Variants in PTPRN2 observed in about 807,000 individuals in gnomAD.
The protein encoded by PTPRN2 is receptor-type tyrosine-protein phosphatase N2.
PTPRN2 carries 74 observed loss-of-function variants against 118.8 expected under a neutral mutation model. The observed-to-expected ratio is 0.62, with a 90% CI of 0.52 to 0.76. The LOEUF (loss-of-function observed/expected upper bound fraction) is 0.76, where lower values mean the gene tolerates loss of function less well. PTPRN2 is among the 30% of genes least tolerant of loss of function. PTPRN2 has a pLI of 0.00. For synonymous variants in PTPRN2, 641 were observed against 608.0 expected (o/e 1.05, Z -0.80); for missense variants, 1,481 against 1,394.4 (o/e 1.06, Z -0.99).
chr7:158,224,350 T>C (rs1303996166), intron 3 of PTPRN2, among the ~76,000 whole-genome samples: 1 of 152,180 alleles, frequency 6.6e-6, no homozygotes, highest in Non-Finnish European at 1.5e-5. Flanking sequence ...TTTCAAGTCT[T>C]ATATAGGTAC....
intron 13 of PTPRN2, among the ~76,000 whole-genome samples, chr7:157,660,794 G>A (rs1405884980): frequency 9.9e-5 from 15 of 152,184 alleles, no homozygotes; most frequent in Non-Finnish European, 1.9e-4. Context: ...TCGCTCTGTC[G>A]CCCAGGCTGG....
Position 157,656,501 on chromosome 7 carries a change from G to A in PTPRN2, c.2052C>T (p.Gly684=). ...CGCTGCTGATGCGTGACGTGTGCGG[G>A]CCCTCAGGTCGGTCTGGTGGCCGCG... ...MATRPPDRPE[G]PHTSRISSVS... is the part of the protein sequence containing the mutation. Residue 684 remains glycine (G), a synonymous_variant, in exon 14 of 23, where the codon GGC becomes GGT. Coordinates refer to ENST00000389418, the MANE Select transcript of PTPRN2 (RefSeq NM_002847.5). The A allele has an allele frequency of 1.3e-6, 2 of 1,553,176 alleles. No individual in the cohort carries two copies. The highest frequency in any genetic ancestry group is 1.2e-5 in the South Asian group (1 of 84,872).
rs575035302 is a variant in PTPRN2 at position 157,728,100 on chromosome 7, C to T, written c.1789-45163G>A. 2.3e-3 allele frequency among the ~76,000 whole-genome samples: 348 copies of T among 152,276 alleles called. 3 individuals carry two copies. The highest frequency in any genetic ancestry group is 2.9e-3 in the Non-Finnish European group (199 of 68,012). On this transcript the variant is annotated intron_variant, in intron 12 of 22. Coordinates refer to ENST00000389418, the MANE Select transcript of PTPRN2 (RefSeq NM_002847.5). Reference sequence around the variant, plus strand: ...CACCTGGTACCCGGTGGGTACCCAGCGAGGGTCTGGCAAGGAGGTCAGCTC... The same window carrying T: ...CACCTGGTACCCGGTGGGTACCCAGTGAGGGTCTGGCAAGGAGGTCAGCTC...
rs140584078 is a variant in PTPRN2, at chr7:158,200,149, G to A, written c.380+5022C>T. Reference sequence around the variant, plus strand: ...ACTCGCCCTCCGACCTGACCCAAGGGGCTTTGGAAACACCACTTGATCTTA... The same window carrying A: ...ACTCGCCCTCCGACCTGACCCAAGGAGCTTTGGAAACACCACTTGATCTTA... On this transcript the variant is annotated intron_variant, in intron 4 of 22. Transcript: ENST00000389418. Among the ~76,000 whole-genome samples, 289 of 152,220 alleles carry A rather than the reference G, an allele frequency of 1.9e-3. 1 individual carries two copies. Among genetic ancestry groups the A allele is most frequent in the African/African-American group, 6.7e-3 (277 of 41,532 alleles).
chr7:158,149,788 A>G (rs1484685117), intron 6 of PTPRN2, among the ~76,000 whole-genome samples: 2 of 147,856 alleles, frequency 1.4e-5, no homozygotes, highest in Non-Finnish European at 3.0e-5. Flanking sequence ...TGAGTGACAG[A>G]GCAAGAGTCC....
At chr7:158,350,750 C>T (rs1807862294) in intron 2 of PTPRN2, among the ~76,000 whole-genome samples, 1 of 152,116 alleles carries the variant, frequency 6.6e-6, no homozygotes, top group African/African-American at 2.4e-5. Flanking sequence ...CAGGCCAGTG[C>T]CTCGCCTCAC....
intron 12 of PTPRN2, among the ~76,000 whole-genome samples, chr7:157,692,319 G>A (rs1473575683): frequency 6.6e-6 from 1 of 152,186 alleles, no homozygotes; most frequent in African/African-American, 2.4e-5. Flanking sequence ...GGCCCAGGCG[G>A]CGCTTCCACA....
intron 12 of PTPRN2, among the ~76,000 whole-genome samples, chr7:157,807,269 G>T (rs1459865489): frequency 1.3e-5 from 2 of 152,230 alleles, no homozygotes; most frequent in African/African-American, 4.8e-5. Context: ...GGGGCAGACA[G>T]AGTAGGAATG....
At chr7:158,362,459 G>T (rs142198659) in intron 2 of PTPRN2, among the ~76,000 whole-genome samples, 60 of 152,338 alleles carry the variant, frequency 3.9e-4, no homozygotes, top group African/African-American at 1.3e-3. Flanking sequence ...TGACAATTCT[G>T]CCCATCAGAC....
chr7:158,042,175 T>A (rs1317218501), intron 11 of PTPRN2, among the ~76,000 whole-genome samples: 1 of 152,116 alleles, frequency 6.6e-6, no homozygotes, highest in Non-Finnish European at 1.5e-5. Flanking sequence ...ACACCAGCTT[T>A]TGGGTGCATA....
chr7:157,588,107 C>T (rs564535424), intron 17 of PTPRN2, among the ~76,000 whole-genome samples: 40 of 152,326 alleles, frequency 2.6e-4, no homozygotes, highest in Middle Eastern at 6.8e-3. Flanking sequence ...ACATCCACTC[C>T]GCACCTGATG....
At chr7:157,885,308 C>T (rs764698054) in intron 12 of PTPRN2, among the ~76,000 whole-genome samples, 5 of 152,182 alleles carry the variant, frequency 3.3e-5, no homozygotes, top group African/African-American at 4.8e-5. Flanking sequence ...ACCTGCAGCA[C>T]GTTCCTCCAC....
chr7:158,041,390 C>G (rs1205520141), intron 11 of PTPRN2, among the ~76,000 whole-genome samples: 1 of 152,192 alleles, frequency 6.6e-6, no homozygotes, highest in Non-Finnish European at 1.5e-5. Flanking sequence ...ATAATCCCAG[C>G]ACCTTGGGAG....
chr7:157,650,066 A>G (rs1805543120), intron 14 of PTPRN2, among the ~76,000 whole-genome samples: 1 of 152,086 alleles, frequency 6.6e-6, no homozygotes, highest in Admixed American at 6.5e-5. Context: ...GGCCCGCAGG[A>G]GTGAGGCTGG....
intron 11 of PTPRN2, among the ~76,000 whole-genome samples, chr7:157,935,626 C>T (rs1799650588): frequency 6.6e-6 from 1 of 152,184 alleles, no homozygotes; most frequent in Non-Finnish European, 1.5e-5. Context: ...ACTTTCTTTT[C>T]TCTTCTTTAT....
intron 11 of PTPRN2, among the ~76,000 whole-genome samples, chr7:157,982,803 A>G (rs1400969841): frequency 7.7e-5 from 8 of 103,526 alleles, no homozygotes; most frequent in African/African-American, 1.1e-4. Context: ...CGAGGAGGGG[A>G]ATGCAGAGTG....
chr7:157,596,833 T>G lies in PTPRN2; in HGVS notation c.2419-1518A>C, dbSNP rs969720006. 2.0e-5 allele frequency among the ~76,000 whole-genome samples: 3 copies of G among 152,250 alleles called. No individual in the cohort carries two copies. The highest frequency in any genetic ancestry group is 7.2e-5 in the African/African-American group (3 of 41,464). ...TGCTATCAGGGTTTGATTCGAGATT[T>G]ACAATGTTCAGATTTCAAGGTAATT... On this transcript the variant is annotated intron_variant, in intron 16 of 22. Coordinates refer to ENST00000389418, the MANE Select transcript of PTPRN2 (RefSeq NM_002847.5). The surrounding 1 kb of genome is among the most constrained non-coding windows in gnomAD (Gnocchi z 4.2).
chr7:157,933,528 C>G (rs1335425384), intron 11 of PTPRN2, among the ~76,000 whole-genome samples: 2 of 135,548 alleles, frequency 1.5e-5, no homozygotes, highest in Non-Finnish European at 1.6e-5. Context: ...GGGTGAGTCA[C>G]TCTGACAGTT....
intron 1 of PTPRN2, among the ~76,000 whole-genome samples, chr7:158,510,412 A>G (rs1424753235): frequency 6.7e-6 from 1 of 149,162 alleles, no homozygotes; most frequent in Non-Finnish European, 1.5e-5. Context: ...GCACCCCACA[A>G]AAACCTCATT....
Sources: gnomAD v4.1 joint callset for allele counts (sites outside exome capture counted in the v4.1 genomes callset) on GRCh38, gnomAD v4.1.1 for gene constraint, Gnocchi (gnomAD v3.1) non-coding constraint, MANE v1.5 for transcripts, NCBI Gene and HGNC (gene_info 2026-07-23, HGNC 2026-07-21) for gene names.